The following LRP1 variants were observed in gnomAD, a reference collection of about 807,000 sequenced individuals.
LRP1 encodes the protein prolow-density lipoprotein receptor-related protein 1.
LRP1 carries 51 observed loss-of-function variants against 541.5 expected under a neutral mutation model. The ratio of observed to expected loss-of-function variants is 0.09; its 90% CI spans 0.08 to 0.12. The LOEUF (loss-of-function observed/expected upper bound fraction) is 0.12, where lower values mean the gene tolerates loss of function less well. Ranked by LOEUF, LRP1 falls within the 10% of genes least tolerant of loss-of-function variation. The pLI is 1.00. For missense variants in LRP1, 3,878 were observed against 6,376.2 expected, an observed-to-expected ratio of 0.61 and a Z score of 13.34; for synonymous variants, 2,219 against 2,470.8, an observed-to-expected ratio of 0.90 and a Z score of 3.02.
intron 41 of LRP1, among the ~76,000 whole-genome samples, chr12:57,186,360 T>G (rs1341607113): frequency 1.3e-5 from 2 of 152,232 alleles, no homozygotes; most frequent in African/African-American, 4.8e-5. Flanking sequence ...GTGTGTGCTC[T>G]GGAAAGAGCA....
At chr12:57,134,707 CT>C (rs373888576) in intron 1 of LRP1, among the ~76,000 whole-genome samples, 20 of 148,702 alleles carry the variant, frequency 1.3e-4, no homozygotes, top group African/African-American at 3.5e-4. Context: ...TTCTTTCTTT[CT>C]TTTTTTTTTC....
chr12:57,179,943 C>G lies in LRP1; in HGVS notation c.5128C>G (p.His1710Asp), dbSNP rs2036127906. The change falls in exon 30 of 89, where the codon CAC (histidine) becomes GAC (aspartate). Residue 1710 changes from histidine to aspartate, a missense_variant. This residue lies in a region of LRP1 where 394 missense variants were observed against 635.9 expected (regional missense o/e 0.62). Transcript: ENST00000243077. The surrounding 1 kb of genome is among the most constrained non-coding windows in gnomAD (Gnocchi z 6.8). ...GGAGCAGCCCCATGGCCTTGTCGTC[C>G]ACCCTCTGCGTGGGTCAGTCTAGGG... ...GLEQPHGLVV[H>D]PLRGKLYWTD... 5 of 1,614,078 alleles carry G rather than the reference C, an allele frequency of 3.1e-6. No individual in the cohort carries two copies. The highest frequency in any genetic ancestry group is 3.4e-6 in the Non-Finnish European group (4 of 1,180,008).
In LRP1 at chr12:57,210,768, C is replaced by G; in HGVS notation, c.12805C>G (p.Gln4269Glu). 1 of 1,612,952 alleles carries G rather than the reference C, an allele frequency of 6.2e-7. No homozygotes were observed. Among genetic ancestry groups the G allele is most frequent in the Non-Finnish European group, 8.5e-7 (1 of 1,179,340 alleles). The part of the protein sequence containing the change: ...PTGFTGPKCT[Q>E]QVCAGYCANN... ...GGGCTTCACGGGCCCCAAATGCACC[C>G]AGCAGGTGTGTGCGGGCTACTGTGC... The change falls in exon 83 of 89, where the codon CAG (glutamine) becomes GAG (glutamate). Residue 4269 changes from glutamine to glutamate, a missense_variant. By Grantham distance (29) the Gln-to-Glu change is conservative. Transcript: ENST00000243077.
intron 76 of LRP1, among the ~76,000 whole-genome samples, chr12:57,207,004 G>A (rs1050535584): frequency 2.6e-5 from 4 of 152,190 alleles, no homozygotes; most frequent in Non-Finnish European, 4.4e-5. Flanking sequence ...CACTTTGGGA[G>A]GCAGAGGTGG....
Position 57,145,372 on chromosome 12 carries a change from C to T in LRP1, c.723C>T (p.Thr241=), listed in dbSNP as rs766270144. The change falls in exon 6 of 89, where the codon ACC becomes ACT. Residue 241 remains threonine, a synonymous_variant. Coordinates refer to ENST00000243077, the MANE Select transcript of LRP1 (RefSeq NM_002332.3). ...TAMDFSYANE[T]VCWVHVGDSA... ...TGGACTTCAGCTATGCCAACGAGACCGTATGCTGGGTGCATGTTGGGGACA... is the reference window on the plus strand; with the variant it reads ...TGGACTTCAGCTATGCCAACGAGACTGTATGCTGGGTGCATGTTGGGGACA... 3.0e-5 allele frequency: 48 copies of T among 1,614,054 alleles called. No individual in the cohort carries two copies. Among genetic ancestry groups the T allele is most frequent in the Non-Finnish European group, 3.9e-5 (46 of 1,180,042 alleles).
Position 57,178,497 on chromosome 12 carries a change from A to T in LRP1, c.4500A>T (p.Thr1500=). The T allele has an allele frequency of 6.2e-7, 1 of 1,614,190 alleles. No homozygotes were observed. The highest frequency in any genetic ancestry group is 8.5e-7 in the Non-Finnish European group (1 of 1,180,024). ...EVYWTDWRTN[T]LAKANKWTGH... ...ACTGGACTGACTGGCGAACAAACAC[A>T]CTGGCTAAGGCCAACAAGTGGACCG... is the stretch of plus-strand genomic sequence containing the variant. Residue 1500 remains threonine (T), a synonymous_variant, in exon 27 of 89, where the codon ACA becomes ACT. Transcript: ENST00000243077. This position sits in a 1 kb window ranked among gnomAD's most constrained non-coding sequence, Gnocchi z 5.8.
At chr12:57,180,611 C>A (rs2036144621) in intron 32 of LRP1, 56 bp from the exon 33 acceptor site, 1 of 1,610,638 alleles carries the variant, frequency 6.2e-7, no homozygotes, top group Non-Finnish European at 8.5e-7. Context: ...ATGGGCCCTT[C>A]AGGAGAGCTG....
chr12:57,180,511 C>T lies in LRP1; in HGVS notation c.5386+32C>T, dbSNP rs757735419. On this transcript the variant is annotated intron_variant, in intron 32 of 88. Coordinates refer to ENST00000243077, the MANE Select transcript of LRP1 (RefSeq NM_002332.3). The stretch of plus-strand genomic sequence containing the variant: ...GCTGCTGGGCGAAGCAGAGATGACG[C>T]AGAGCAGGCCAGGCCAGACCTACTG... 8 of 1,612,468 alleles carry T rather than the reference C, an allele frequency of 5.0e-6. No individual in the cohort carries two copies. The East Asian group carries it at 1.8e-4, about 36-fold the overall frequency.
chr12:57,206,644 C>A lies in LRP1; in HGVS notation c.11762C>A (p.Thr3921Lys). 6.2e-7 allele frequency: 1 copy of A among 1,614,048 alleles called. No individual in the cohort carries two copies. Among genetic ancestry groups the A allele is most frequent in the Non-Finnish European group, 8.5e-7 (1 of 1,180,036 alleles). Reference sequence around the variant, plus strand: ...CGTGTCTATTGGACCAACTGGCACACGGGCACCATCTCCTACCGCAGCCTG... The same window carrying A: ...CGTGTCTATTGGACCAACTGGCACAAGGGCACCATCTCCTACCGCAGCCTG... ...AGRVYWTNWH[T>K]GTISYRSLPP... Residue 3921 changes from threonine to lysine, a missense_variant, in exon 76 of 89, where the codon ACG becomes AAG. Thr to Lys is a moderately conservative substitution (Grantham distance 78). Transcript: ENST00000243077. This position sits in a 1 kb window ranked among gnomAD's most constrained non-coding sequence, Gnocchi z 4.7.
chr12:57,197,453 C>G lies in LRP1; in HGVS notation c.9162+69C>G. 6.2e-7 allele frequency: 1 copy of G among 1,611,176 alleles called. No individual in the cohort carries two copies. Among genetic ancestry groups the G allele is most frequent in the Non-Finnish European group, 8.5e-7 (1 of 1,177,866 alleles). ...CCAGCACAGCCTCCCTTGCAAGTCTCCCCGCTTAGGTCCAACCATCCCTCC... is the reference window on the plus strand; with the variant it reads ...CCAGCACAGCCTCCCTTGCAAGTCTGCCCGCTTAGGTCCAACCATCCCTCC... On this transcript the variant is annotated intron_variant, in intron 57 of 88. Transcript: ENST00000243077. The surrounding 1 kb of genome is among the most constrained non-coding windows in gnomAD (Gnocchi z 4.5).
chr12:57,145,813 G>A (rs1232581750), intron 6 of LRP1, among the ~76,000 whole-genome samples: 2 of 152,090 alleles, frequency 1.3e-5, no homozygotes, highest in South Asian at 2.1e-4. Context: ...GGGACTTTCC[G>A]GTGCAGTGGG....
At chr12:57,136,881 T>A (rs2035181626) in intron 1 of LRP1, among the ~76,000 whole-genome samples, 1 of 152,132 alleles carries the variant, frequency 6.6e-6, no homozygotes, top group African/African-American at 2.4e-5. Context: ...TGGAGGGAAT[T>A]AAATATGATG....
Position 57,179,667 on chromosome 12 carries a change from C to G in LRP1, c.4966+111C>G. The G allele has an allele frequency of 7.2e-7, 1 of 1,391,126 alleles. No homozygotes were observed. The highest frequency in any genetic ancestry group is 1.0e-6 in the Non-Finnish European group (1 of 993,952). The allele number at this position is 1,391,126 out of a possible 1,614,324, so 86.2% of individuals were successfully genotyped here. A position where few individuals can be genotyped will look rare whatever the true frequency, so the allele number is the denominator to read the frequency against. Reference sequence around the variant, plus strand: ...TGGTCCTTCTCCCAGTCCTGTTCCCCCTCAGTGCTCCAGCCTGGTTTCCTG... The same window carrying G: ...TGGTCCTTCTCCCAGTCCTGTTCCCGCTCAGTGCTCCAGCCTGGTTTCCTG... On this transcript the variant is annotated intron_variant, in intron 29 of 88. Transcript: ENST00000243077. The surrounding 1 kb of genome is among the most constrained non-coding windows in gnomAD (Gnocchi z 6.8).
At chr12:57,208,621 C>CT (rs975265736) in intron 77 of LRP1, 90 bp from the exon 78 acceptor site, 14 of 766,048 alleles carry the variant, frequency 1.8e-5, no homozygotes, top group Non-Finnish European at 2.9e-5. Flanking sequence ...CCAGCAGTCC[C>CT]TGTCCCCAGA....
Position 57,192,909 on chromosome 12 carries a change from G to A in LRP1, c.7494G>A (p.Gln2498=), listed in dbSNP as rs148056289. 127 of 1,613,978 alleles carry A rather than the reference G, an allele frequency of 7.9e-5. No homozygotes were observed. Among genetic ancestry groups the A allele is most frequent in the Non-Finnish European group, 9.6e-5 (113 of 1,180,030 alleles). Residue 2498 remains glutamine, a synonymous_variant, in exon 45 of 89, where the codon CAG becomes CAA. Transcript: ENST00000243077. The part of the protein sequence containing the change: ...GCQDLCLLTH[Q]GHVNCSCRGG... ...AGGACCTGTGTCTGCTCACTCACCAGGGCCATGTCAACTGCTCATGCCGAG... is the reference window on the plus strand; with the variant it reads ...AGGACCTGTGTCTGCTCACTCACCAAGGCCATGTCAACTGCTCATGCCGAG...
intron 41 of LRP1, 85 bp from the exon 42 acceptor site, chr12:57,187,182 A>G: frequency 7.2e-7 from 1 of 1,396,450 alleles, no homozygotes; most frequent in Non-Finnish European, 9.8e-7. Context: ...CCAGGAGAGC[A>G]CCTGCCCCAG....
At position 57,190,932 on chromosome 12, in the gene LRP1, C is replaced by A. The variant is rs767681121; in HGVS notation, c.7159C>A (p.Arg2387Ser). ...RTPNGLAIDH[R>S]AEKLYFSDAT... Reference sequence around the variant, plus strand: ...CCCCAATGGCCTGGCCATCGACCACCGTGCCGAGAAGCTCTACTTCTCTGA... The same window carrying A: ...CCCCAATGGCCTGGCCATCGACCACAGTGCCGAGAAGCTCTACTTCTCTGA... The change falls in exon 43 of 89, where the codon CGT becomes AGT. Residue 2387 changes from arginine to serine, a missense_variant. Transcript: ENST00000243077. 6.3e-5 allele frequency: 101 copies of A among 1,613,290 alleles called. No homozygotes were observed. The highest frequency in any genetic ancestry group is 8.2e-5 in the Non-Finnish European group (97 of 1,180,002).
intron 6 of LRP1, among the ~76,000 whole-genome samples, chr12:57,146,926 C>T (rs1214998524): frequency 6.6e-6 from 1 of 151,842 alleles, no homozygotes; most frequent in Non-Finnish European, 1.5e-5. Flanking sequence ...GACAGCTTGT[C>T]AGTTTCCTCC....
rs754557946 is a variant in LRP1, at chr12:57,177,463, C to T, written c.4233C>T (p.Pro1411=). 1.9e-6 allele frequency: 3 copies of T among 1,609,124 alleles called. No homozygotes were observed. Among genetic ancestry groups the T allele is most frequent in the East Asian group, 4.5e-5 (2 of 44,868 alleles). ...GGACAGACTGGGATGCCAGCCTGCC[C>T]CGCATTGAGGCAGCCTCCATGAGTG... ...LFWTDWDASL[P]RIEAASMSGA... The change falls in exon 26 of 89, where the codon CCC becomes CCT. Residue 1411 remains proline (P), a synonymous_variant. Transcript: ENST00000243077. The surrounding 1 kb of genome is among the most constrained non-coding windows in gnomAD (Gnocchi z 6.8).
Sources: gnomAD v4.1 joint callset for allele counts (sites outside exome capture counted in the v4.1 genomes callset) on GRCh38, gnomAD v4.1.1 for gene constraint, gnomAD v4.1.1 regional missense constraint, Gnocchi (gnomAD v3.1) non-coding constraint, MANE v1.5 for transcripts, NCBI Gene and HGNC (gene_info 2026-07-23, HGNC 2026-07-21) for gene names.